Variants in ANKS1A observed in about 807,000 individuals in gnomAD.
ANKS1A encodes ankyrin repeat and SAM domain-containing protein 1A.
ANKS1A carries 55 observed loss-of-function variants against 120.3 expected under a neutral mutation model. The observed-to-expected ratio is 0.46, with a 90% CI of 0.37 to 0.57. The LOEUF is 0.57. Ranked by LOEUF, ANKS1A falls within the 20% of genes least tolerant of loss-of-function variation. ANKS1A has a pLI of 0.00. For synonymous variants in ANKS1A, 590 were observed against 604.7 expected, an observed-to-expected ratio of 0.98 and a Z score of 0.36; for missense variants, 1,123 against 1,480.3, an observed-to-expected ratio of 0.76 and a Z score of 3.96.
At chr6:35,088,585 C>A (rs369607483) in intron 23 of ANKS1A, 21 bp from the exon 24 acceptor site, 4 of 1,614,082 alleles carry the variant, frequency 2.5e-6, no homozygotes, top group Admixed American at 1.7e-5. Context: ...TTTCCTCCCC[C>A]CATTGTTTGC....
chr6:34,982,884 C>T lies in ANKS1A; in HGVS notation c.808+57C>T. Reference sequence around the variant, plus strand: ...GCGTGCCAGGGTTGGGATTGTTTCTCCCTAGTCCCCTAGGGGGATTTTTGC... The same window carrying T: ...GCGTGCCAGGGTTGGGATTGTTTCTTCCTAGTCCCCTAGGGGGATTTTTGC... On this transcript the variant is annotated intron_variant, in intron 5 of 23. Coordinates refer to ENST00000360359, the MANE Select transcript of ANKS1A (RefSeq NM_015245.3). The surrounding 1 kb of genome is among the most constrained non-coding windows in gnomAD (Gnocchi z 4.9). The T allele has an allele frequency of 6.2e-7, 1 of 1,605,958 alleles. No individual in the cohort carries two copies. Among genetic ancestry groups the T allele is most frequent in the Non-Finnish European group, 8.5e-7 (1 of 1,172,968 alleles).
At chr6:34,898,681 T>C (rs568037758) in intron 1 of ANKS1A, among the ~76,000 whole-genome samples, 1 of 152,152 alleles carries the variant, frequency 6.6e-6, no homozygotes, top group East Asian at 1.9e-4. Flanking sequence ...CTACAGAAAT[T>C]AACTTGAAAT....
rs1344800658 is a variant in ANKS1A at position 34,982,506 on chromosome 6, G to T, written c.733-246G>T. Among the ~76,000 whole-genome samples, 1 of 152,200 alleles carries T rather than the reference G, an allele frequency of 6.6e-6. No homozygotes were observed. The highest frequency in any genetic ancestry group is 1.5e-5 in the Non-Finnish European group (1 of 68,030). ...GGAGTTCTGAGGCATTTCACCAGTA[G>T]ATGGCTCTAAGAGTAACTGTTCAGT... On this transcript the variant is annotated intron_variant, in intron 4 of 23. Coordinates refer to ENST00000360359, the MANE Select transcript of ANKS1A (RefSeq NM_015245.3). The surrounding 1 kb of genome is among the most constrained non-coding windows in gnomAD (Gnocchi z 4.9).
chr6:34,903,166 G>A (rs1486037747), intron 1 of ANKS1A, among the ~76,000 whole-genome samples: 2 of 152,130 alleles, frequency 1.3e-5, no homozygotes, highest in African/African-American at 2.4e-5. Flanking sequence ...GGATGTATGT[G>A]TGGGGCGTTC....
intron 1 of ANKS1A, among the ~76,000 whole-genome samples, chr6:34,895,314 A>G (rs1767018932): frequency 6.6e-6 from 1 of 151,350 alleles, no homozygotes; most frequent in African/African-American, 2.4e-5. Flanking sequence ...CTCCTGAGCT[A>G]TTGGGACTGC....
chr6:34,960,082 T>A (rs1023476333), intron 1 of ANKS1A, among the ~76,000 whole-genome samples: 2 of 152,114 alleles, frequency 1.3e-5, no homozygotes, highest in African/African-American at 4.8e-5. Context: ...TCCCTGCTAC[T>A]CCCCTCTCCA....
At chr6:35,022,640 T>C (rs1774402725) in intron 11 of ANKS1A, among the ~76,000 whole-genome samples, 1 of 152,204 alleles carries the variant, frequency 6.6e-6, no homozygotes, top group South Asian at 2.1e-4. Context: ...GCACTCTTTG[T>C]TGTCTTAATG....
rs935557129 is a variant in ANKS1A, at chr6:34,983,270, C to T, written c.911-54C>T. ...AGGGGACACACGAATTGAACCAAGG[C>T]ATTTGTATTTGGTGCAGCACTTTTT... On this transcript the variant is annotated intron_variant, in intron 6 of 23. Transcript: ENST00000360359. The T allele has an allele frequency of 1.9e-5, 30 of 1,609,426 alleles. No homozygotes were observed. The African/African-American group carries it at 3.5e-4, about 19-fold the overall frequency.
At chr6:34,931,152 T>A in intron 1 of ANKS1A, among the ~76,000 whole-genome samples, 1 of 147,002 alleles carries the variant, frequency 6.8e-6, no homozygotes, top group Non-Finnish European at 1.5e-5. Flanking sequence ...GCTGTTTTCT[T>A]TTTTTTTTTT....
chr6:35,082,094 C>T lies in ANKS1A; in HGVS notation c.2710-597C>T, dbSNP rs772709929. Among the ~76,000 whole-genome samples, 1 of 152,176 alleles carries T rather than the reference C, an allele frequency of 6.6e-6. No homozygotes were observed. The highest frequency in any genetic ancestry group is 1.5e-5 in the Non-Finnish European group (1 of 68,030). On this transcript the variant is annotated intron_variant, in intron 17 of 23. Coordinates refer to ENST00000360359, the MANE Select transcript of ANKS1A (RefSeq NM_015245.3). This position sits in a 1 kb window ranked among gnomAD's most constrained non-coding sequence, Gnocchi z 4.1. ...CGCACTGCTGGGAAGGGAGGGCCTC[C>T]GTGTTTCCTGAATCTTTTCCTTCCT...
At chr6:34,961,189 G>A (rs769028913) in intron 1 of ANKS1A, among the ~76,000 whole-genome samples, 12 of 152,106 alleles carry the variant, frequency 7.9e-5, no homozygotes, top group African/African-American at 1.9e-4. Context: ...TTTGTTTGTC[G>A]GTGAGCAGCC....
chr6:34,918,030 GCCCTCTCTGCCGTGTTCTA>G (rs1034347779), intron 1 of ANKS1A, among the ~76,000 whole-genome samples: 5 of 152,148 alleles, frequency 3.3e-5, no homozygotes, highest in African/African-American at 1.2e-4. Flanking sequence ...TCCTTGTTCT[GCCCTCTCTGCCGTGTTCTA>G]CCCTCTCTGC....
intron 1 of ANKS1A, among the ~76,000 whole-genome samples, chr6:34,890,114 C>T (rs570537528): frequency 2.0e-5 from 3 of 151,466 alleles, no homozygotes; most frequent in East Asian, 1.9e-4. Flanking sequence ...TCCCTCGAGA[C>T]GGAGACTTGT....
chr6:34,972,473 A>G (rs1771232573), intron 3 of ANKS1A: 1 of 333,606 alleles, frequency 3.0e-6, no homozygotes, highest in Non-Finnish European at 4.3e-6. Flanking sequence ...AGGCATCCAG[A>G]GGGCAGATTC....
chr6:35,072,610 C>T (rs1293063705), intron 13 of ANKS1A, among the ~76,000 whole-genome samples: 1 of 152,252 alleles, frequency 6.6e-6, no homozygotes, highest in Non-Finnish European at 1.5e-5. Context: ...CATCCTGACC[C>T]TGTTTCTCCC....
Position 35,082,642 on chromosome 6 carries a change from G to A in ANKS1A, c.2710-49G>A. On this transcript the variant is annotated intron_variant, in intron 17 of 23. Transcript: ENST00000360359. This position sits in a 1 kb window ranked among gnomAD's most constrained non-coding sequence, Gnocchi z 4.1. ...TGCTGGAGCCAGGCAGCAAGCCCAT[G>A]TGCTCCTCTGGAGCAAGGAGCAGGT... is the stretch of plus-strand genomic sequence containing the variant. The A allele has an allele frequency of 6.4e-7, 1 of 1,557,174 alleles. No homozygotes were observed.
In ANKS1A at chr6:35,086,398, C is replaced by G; in HGVS notation, c.3303+462C>G. The G allele has an allele frequency of 1.6e-6, 2 of 1,285,604 alleles. No individual in the cohort carries two copies. Among genetic ancestry groups the G allele is most frequent in the Non-Finnish European group, 2.0e-6 (2 of 984,138 alleles). 79.6% of individuals were successfully genotyped at this position (1,285,604 alleles called of 1,614,324 possible). A position where few individuals can be genotyped will look rare whatever the true frequency, so the allele number is the denominator to read the frequency against. The stretch of plus-strand genomic sequence containing the variant: ...TTACGCCTCCTGCTGTCTTGTGTGT[C>G]AGTCTCCCCGAAGTGACCGTGAGCG... On this transcript the variant is annotated intron_variant, in intron 22 of 23. Transcript: ENST00000360359. This position sits in a 1 kb window ranked among gnomAD's most constrained non-coding sequence, Gnocchi z 5.1.
chr6:35,055,627 C>T (rs575810416), intron 12 of ANKS1A, among the ~76,000 whole-genome samples: 1 of 152,194 alleles, frequency 6.6e-6, no homozygotes, highest in Non-Finnish European at 1.5e-5. Flanking sequence ...CACACCCGGC[C>T]CTGTGTTCCT....
At chr6:34,972,025 A>G (rs887389575) in intron 3 of ANKS1A, among the ~76,000 whole-genome samples, 2 of 152,266 alleles carry the variant, frequency 1.3e-5, no homozygotes, top group African/African-American at 4.8e-5. Context: ...GAGGAAATGC[A>G]TAATGAAGTT....
Sources: gnomAD v4.1 joint callset for allele counts (sites outside exome capture counted in the v4.1 genomes callset) on GRCh38, gnomAD v4.1.1 for gene constraint, Gnocchi (gnomAD v3.1) non-coding constraint, MANE v1.5 for transcripts, NCBI Gene and HGNC (gene_info 2026-07-23, HGNC 2026-07-21) for gene names.